Variants in SEC22A observed in about 807,000 individuals in gnomAD.
The protein encoded by SEC22A is SEC22 homolog A, vesicle trafficking protein, also known as vesicle-trafficking protein SEC22a.
A neutral mutation model predicts 35.3 loss-of-function variants in SEC22A; 22 were observed. The observed-to-expected ratio is 0.62, with a 90% CI of 0.45 to 0.89. The LOEUF (loss-of-function observed/expected upper bound fraction) is 0.89, where lower values mean the gene tolerates loss of function less well. Ranked by LOEUF, SEC22A falls within the 40% of genes least tolerant of loss-of-function variation. The pLI is 0.00. For synonymous variants in SEC22A, 119 were observed against 129.5 expected (o/e 0.92, Z 0.55); for missense variants, 354 against 362.5 (o/e 0.98, Z 0.19).
intron 4 of SEC22A, among the ~76,000 whole-genome samples, chr3:123,235,550 A>G (rs1182931895): frequency 6.6e-6 from 1 of 152,230 alleles, no homozygotes; most frequent in Non-Finnish European, 1.5e-5. Flanking sequence ...ATGAGGATAT[A>G]GAGAAATTGG....
At chr3:123,250,927 T>C (rs1937606936) in intron 5 of SEC22A, among the ~76,000 whole-genome samples, 1 of 152,244 alleles carries the variant, frequency 6.6e-6, no homozygotes, top group Non-Finnish European at 1.5e-5. Flanking sequence ...CTTTTCCTGG[T>C]ATATATTTAT....
At chr3:123,217,003 A>AT (rs1937038003) in intron 2 of SEC22A, among the ~76,000 whole-genome samples, 1 of 149,968 alleles carries the variant, frequency 6.7e-6, no homozygotes, top group African/African-American at 2.5e-5. Context: ...ATTTAAAACA[A>AT]TTTTTTGTAG....
At chr3:123,248,915 C>T (rs976980872) in intron 5 of SEC22A, among the ~76,000 whole-genome samples, 2 of 152,182 alleles carry the variant, frequency 1.3e-5, no homozygotes, top group Non-Finnish European at 2.9e-5. Flanking sequence ...ACTTTTAACA[C>T]TATCTGCCTG....
chr3:123,222,174 G>C (rs913956006), intron 2 of SEC22A, among the ~76,000 whole-genome samples: 2 of 150,996 alleles, frequency 1.3e-5, no homozygotes, highest in Non-Finnish European at 2.9e-5. Context: ...CTAGTGTTAG[G>C]TATTGTATTT....
chr3:123,254,403 G>GGGGATTCA, intron 5 of SEC22A, among the ~76,000 whole-genome samples: 1 of 152,156 alleles, frequency 6.6e-6, no homozygotes, highest in South Asian at 2.1e-4. Flanking sequence ...AAGGTGAATA[G>GGGGATTCA]TGACATTCAT....
chr3:123,220,018 G>C (rs1937093511), intron 2 of SEC22A, among the ~76,000 whole-genome samples: 1 of 152,172 alleles, frequency 6.6e-6, no homozygotes, highest in Non-Finnish European at 1.5e-5. Context: ...TTTTCAGAGA[G>C]AATCTTGCAA....
chr3:123,231,266 T>C (rs1937320343), intron 4 of SEC22A, among the ~76,000 whole-genome samples: 1 of 152,150 alleles, frequency 6.6e-6, no homozygotes, highest in South Asian at 2.1e-4. Flanking sequence ...AGGCAGAAGA[T>C]AAGAAAATAG....
intron 4 of SEC22A, among the ~76,000 whole-genome samples, chr3:123,231,517 A>G (rs190567987): frequency 7.2e-5 from 11 of 152,350 alleles, no homozygotes; most frequent in Admixed American, 2.0e-4. Flanking sequence ...GTGAAAACAG[A>G]AAGAAATTTG....
intron 6 of SEC22A, among the ~76,000 whole-genome samples, chr3:123,268,775 A>G (rs1553713589): frequency 1.3e-5 from 2 of 152,152 alleles, no homozygotes; most frequent in South Asian, 2.1e-4. Flanking sequence ...TTCTGTGGCT[A>G]TATTTCTCCT....
chr3:123,270,517 C>T (rs1409734229), intron 6 of SEC22A, among the ~76,000 whole-genome samples: 2 of 152,152 alleles, frequency 1.3e-5, no homozygotes, highest in African/African-American at 2.4e-5. Context: ...GAATTTTAGA[C>T]ATCTTCTAGA....
chr3:123,217,187 G>A (rs1937042334), intron 2 of SEC22A, among the ~76,000 whole-genome samples: 1 of 150,332 alleles, frequency 6.7e-6, no homozygotes, highest in South Asian at 2.1e-4. Flanking sequence ...CAATGTGGAA[G>A]GCTCTATTCC....
intron 6 of SEC22A, among the ~76,000 whole-genome samples, chr3:123,263,527 G>A (rs1400872375): frequency 6.6e-6 from 1 of 152,002 alleles, no homozygotes; most frequent in Non-Finnish European, 1.5e-5. Flanking sequence ...TTTTTTTGTT[G>A]TTTTTTTGGG....
intron 2 of SEC22A, among the ~76,000 whole-genome samples, chr3:123,217,299 G>A (rs1937045351): frequency 6.6e-6 from 1 of 152,032 alleles, no homozygotes; most frequent in East Asian, 1.9e-4. Context: ...CTGGGTTCAG[G>A]CCATTCTCCT....
intron 5 of SEC22A, among the ~76,000 whole-genome samples, chr3:123,252,175 A>G (rs1483983998): frequency 2.0e-5 from 3 of 152,198 alleles, no homozygotes; most frequent in Admixed American, 1.3e-4. Flanking sequence ...TGTATTGGAT[A>G]AAATATCCTT....
intron 4 of SEC22A, among the ~76,000 whole-genome samples, chr3:123,233,751 G>A (rs1321836004): frequency 6.6e-6 from 1 of 152,078 alleles, no homozygotes; most frequent in Non-Finnish European, 1.5e-5. Context: ...ATATCTAATG[G>A]TGAAAGACAG....
In SEC22A at chr3:123,228,591, A is replaced by AG. The variant is rs1325521235; in HGVS notation, c.541+3294_541+3295insG. On this transcript the variant is annotated intron_variant, in intron 4 of 6. Transcript: ENST00000492595. ...AACTCCATCTCAAAAAAAAAAAAAA[A>AG]AAAGAAAGAAAATATGACCCACACA... 1.7e-4 allele frequency among the ~76,000 whole-genome samples: 26 copies of AG among 150,972 alleles called. 1 individual carries two copies. Among genetic ancestry groups the AG allele is most frequent in the African/African-American group, 6.3e-4 (26 of 41,206 alleles).
chr3:123,226,994 T>A (rs1937227335), intron 4 of SEC22A, among the ~76,000 whole-genome samples: 1 of 152,238 alleles, frequency 6.6e-6, no homozygotes, highest in Non-Finnish European at 1.5e-5. Context: ...GCTTTGCATT[T>A]TGTTAAAATG....
At chr3:123,271,398 C>G in intron 6 of SEC22A, 124 bp from the exon 7 acceptor site, 1 of 709,010 alleles carries the variant, frequency 1.4e-6, no homozygotes, top group Non-Finnish European at 2.3e-6. Flanking sequence ...TATCTTATCC[C>G]TAGATAAAAA....
At chr3:123,248,589 A>C (rs1378685033) in intron 5 of SEC22A, among the ~76,000 whole-genome samples, 2 of 152,264 alleles carry the variant, frequency 1.3e-5, no homozygotes, top group Non-Finnish European at 2.9e-5. Flanking sequence ...AAGAAGATCT[A>C]AATAAATGGA....
Sources: allele counts gnomAD v4.1 joint callset (sites outside exome capture counted in the v4.1 genomes callset), GRCh38; gene constraint gnomAD v4.1.1; transcripts MANE v1.5; gene names NCBI Gene and HGNC (gene_info 2026-07-23, HGNC 2026-07-21).